Variants in GPR132 observed in about 807,000 individuals in gnomAD.
The protein encoded by GPR132 is G protein-coupled receptor 132, also known as probable G protein-coupled receptor 132.
Under a neutral mutation model 1.9 loss-of-function variants are expected in GPR132, and 4 were observed. The ratio of observed to expected loss-of-function variants is 2.13; its 90% confidence interval spans 1.05 to 4.87. GPR132 has a LOEUF of 4.87. GPR132 is among the 30% of genes most tolerant of loss of function. The pLI, the probability that GPR132 is intolerant of heterozygous loss-of-function variation, is 0.01. For missense variants in GPR132, 404 were observed against 512.5 expected (o/e 0.79, Z 2.04); for synonymous variants, 233 against 234.2 (o/e 0.99, Z 0.05).
intron 1 of GPR132, among the ~76,000 whole-genome samples, chr14:105,061,947 T>G (rs1167773440): frequency 2.0e-5 from 3 of 152,184 alleles, no homozygotes; most frequent in African/African-American, 7.2e-5. Context: ...GGGTAGGGGA[T>G]AGCCCACCAT....
At chr14:105,063,629 G>C (rs144453696) in intron 1 of GPR132, among the ~76,000 whole-genome samples, 1 of 151,872 alleles carries the variant, frequency 6.6e-6, no homozygotes, top group Non-Finnish European at 1.5e-5. Context: ...CGCCCGCCTC[G>C]GCCTCCTAAA....
Position 105,051,869 on chromosome 14 carries a change from G to C in GPR132, c.268C>G (p.Leu90Val). Residue 90 changes from leucine (L) to valine (V), a missense_variant, in exon 4 of 4, where the codon CTG becomes GTG. By Grantham distance (32) the Leu-to-Val change is conservative. Transcript: ENST00000329797. This position sits in a 1 kb window ranked among gnomAD's most constrained non-coding sequence, Gnocchi z 8.0. ...CAGAGTGGCAGCGTGCCTGTGTACAGCAGCTCGCAGAGTGCCAGGCAGAGC... is the reference window on the plus strand; with the variant it reads ...CAGAGTGGCAGCGTGCCTGTGTACACCAGCTCGCAGAGTGCCAGGCAGAGC... ...YLLCLALCELLYTGTLPLWVI... is the reference protein window; with the variant it reads ...YLLCLALCELVYTGTLPLWVI... The C allele has an allele frequency of 6.2e-7, 1 of 1,613,850 alleles. No individual in the cohort carries two copies. Among genetic ancestry groups the C allele is most frequent in the Non-Finnish European group, 8.5e-7 (1 of 1,179,980 alleles).
chr14:105,062,496 G>T lies in GPR132; in HGVS notation c.-861+2883C>A, dbSNP rs1449158235. On this transcript the variant is annotated intron_variant, in intron 1 of 3. Transcript: ENST00000329797. ...TGTTTTCTCTTTCTTTTTTTCTTTT[G>T]CCTTTTTTGCCTTTTCTTTCTTTTC... Among the ~76,000 whole-genome samples the T allele has an allele frequency of 4.7e-5, 7 of 148,264 alleles. No individual in the cohort carries two copies. In the South Asian group the frequency reaches 1.1e-3, roughly 23 times the overall value.
rs995830980 is a variant in GPR132, at chr14:105,055,082, C to T, written c.34+305G>A. Among the ~76,000 whole-genome samples, 1 of 148,964 alleles carries T rather than the reference C, an allele frequency of 6.7e-6. No homozygotes were observed. Among genetic ancestry groups the T allele is most frequent in the Non-Finnish European group, 1.5e-5 (1 of 67,496 alleles). On this transcript the variant is annotated intron_variant, in intron 3 of 3. Coordinates refer to ENST00000329797, the MANE Select transcript of GPR132 (RefSeq NM_013345.4). The surrounding 1 kb of genome is among the most constrained non-coding windows in gnomAD (Gnocchi z 4.7). ...GGGCCGTTCATTCCTTCAATCCCAA[C>T]GCTTTGGAAGGACAAGGCAGGTGGA...
intron 1 of GPR132, among the ~76,000 whole-genome samples, chr14:105,062,992 T>A (rs1309276283): frequency 2.0e-5 from 3 of 152,080 alleles, no homozygotes; most frequent in Admixed American, 6.6e-5. Context: ...AGTGGCAAAA[T>A]CTCTGCTCAC....
At chr14:105,054,919 A>C (rs368548448) in intron 3 of GPR132, among the ~76,000 whole-genome samples, 9 of 150,002 alleles carry the variant, frequency 6.0e-5, no homozygotes, top group African/African-American at 9.8e-5. Flanking sequence ...AGGTGCCTGC[A>C]GTCCCAGCTA....
chr14:105,061,092 A>G (rs905279004), intron 1 of GPR132, among the ~76,000 whole-genome samples: 1 of 152,240 alleles, frequency 6.6e-6, no homozygotes, highest in African/African-American at 2.4e-5. Context: ...ATGCCTGGAA[A>G]GAGTCAGTGG....
At position 105,056,659 on chromosome 14, in the gene GPR132, C is replaced by T. The variant is rs1456171429; in HGVS notation, c.-746-493G>A. 3.9e-5 allele frequency among the ~76,000 whole-genome samples: 6 copies of T among 152,342 alleles called. No individual in the cohort carries two copies. In the East Asian group the frequency reaches 1.2e-3, roughly 29 times the overall value. Reference sequence around the variant, plus strand: ...ACCCCCTGCTCCAGGCCTCACGCAGCCTTGGGACCTTCACCTCTGGACACC... The same window carrying T: ...ACCCCCTGCTCCAGGCCTCACGCAGTCTTGGGACCTTCACCTCTGGACACC... On this transcript the variant is annotated intron_variant, in intron 2 of 3. Coordinates refer to ENST00000329797, the MANE Select transcript of GPR132 (RefSeq NM_013345.4). The surrounding 1 kb of genome is among the most constrained non-coding windows in gnomAD (Gnocchi z 6.0).
intron 1 of GPR132, among the ~76,000 whole-genome samples, chr14:105,061,208 G>C (rs1030822572): frequency 6.6e-6 from 1 of 152,378 alleles, no homozygotes; most frequent in South Asian, 2.1e-4. Context: ...TCCTCACCAC[G>C]CATGGCCAAC....
chr14:105,053,242 C>A (rs568538359), intron 3 of GPR132, among the ~76,000 whole-genome samples: 2 of 147,816 alleles, frequency 1.4e-5, no homozygotes, highest in Admixed American at 6.8e-5. Flanking sequence ...CTCACTGCAA[C>A]CTCTGCCTCC....
intron 1 of GPR132, among the ~76,000 whole-genome samples, chr14:105,062,831 C>T (rs1422271112): frequency 1.1e-4 from 16 of 151,902 alleles, no homozygotes; most frequent in African/African-American, 3.6e-4. Flanking sequence ...TGAGCCACTA[C>T]GCCCAGCTTT....
intron 3 of GPR132, among the ~76,000 whole-genome samples, chr14:105,052,997 A>C (rs1344554039): frequency 6.6e-6 from 1 of 151,828 alleles, no homozygotes. Context: ...TTTGAAAAGA[A>C]TGTTGATCCT....
rs1318990731 is a variant in GPR132, at chr14:105,055,056, T to C, written c.34+331A>G. Among the ~76,000 whole-genome samples the C allele has an allele frequency of 7.1e-6, 1 of 139,902 alleles. No individual in the cohort carries two copies. Among genetic ancestry groups the C allele is most frequent in the African/African-American group, 2.7e-5 (1 of 37,176 alleles). 91.8% of individuals were successfully genotyped at this position (139,902 alleles called of 152,430 possible). Reference sequence around the variant, plus strand: ...AAAAAAAAAAAAAAATTCGGCCCCATGGGCCGTTCATTCCTTCAATCCCAA... The same window carrying C: ...AAAAAAAAAAAAAAATTCGGCCCCACGGGCCGTTCATTCCTTCAATCCCAA... On this transcript the variant is annotated intron_variant, in intron 3 of 3. Coordinates refer to ENST00000329797, the MANE Select transcript of GPR132 (RefSeq NM_013345.4). This position sits in a 1 kb window ranked among gnomAD's most constrained non-coding sequence, Gnocchi z 4.7.
At chr14:105,061,308 C>T (rs1172270204) in intron 1 of GPR132, among the ~76,000 whole-genome samples, 8 of 152,232 alleles carry the variant, frequency 5.3e-5, no homozygotes, top group African/African-American at 9.6e-5. Context: ...CGGACAGGCC[C>T]ACAGCCTCAG....
chr14:105,061,782 T>C (rs1886950941), intron 1 of GPR132, among the ~76,000 whole-genome samples: 1 of 151,998 alleles, frequency 6.6e-6, no homozygotes, highest in Non-Finnish European at 1.5e-5. Context: ...ATGGGGACCG[T>C]CCCTTCCTCT....
intron 1 of GPR132, among the ~76,000 whole-genome samples, chr14:105,062,832 G>A (rs917208843): frequency 2.6e-5 from 4 of 151,442 alleles, no homozygotes; most frequent in Non-Finnish European, 5.9e-5. Flanking sequence ...GAGCCACTAC[G>A]CCCAGCTTTT....
rs988861926 is a variant in GPR132, at chr14:105,059,267, G to A, written c.-860-1987C>T. Reference sequence around the variant, plus strand: ...CTTGCTCTTCCCGCCCATCCCACGTGGCTCTTGCAGGAATTCTCTGGAAGC... The same window carrying A: ...CTTGCTCTTCCCGCCCATCCCACGTAGCTCTTGCAGGAATTCTCTGGAAGC... On this transcript the variant is annotated intron_variant, in intron 1 of 3. Coordinates refer to ENST00000329797, the MANE Select transcript of GPR132 (RefSeq NM_013345.4). The surrounding 1 kb of genome is among the most constrained non-coding windows in gnomAD (Gnocchi z 4.2). Among the ~76,000 whole-genome samples, 1 of 152,190 alleles carries A rather than the reference G, an allele frequency of 6.6e-6. No homozygotes were observed. Among genetic ancestry groups the A allele is most frequent in the Non-Finnish European group, 1.5e-5 (1 of 68,008 alleles).
intron 1 of GPR132, chr14:105,057,489 G>C: frequency 3.5e-6 from 1 of 283,142 alleles, no homozygotes; most frequent in Admixed American, 5.2e-5. Context: ...CGTCACATTA[G>C]CCACTGCGAC....
rs1886772275 is a variant in GPR132 at position 105,055,674 on chromosome 14, G to A, written c.-254C>T. ...CAGTGTCCTCAAGCTCCCTCCTGTT[G>A]CAGCGTGTGCCAGGATTTCCCTTCC... On this transcript the variant is annotated 5_prime_UTR_variant, in exon 3 of 4. Coordinates refer to ENST00000329797, the MANE Select transcript of GPR132 (RefSeq NM_013345.4). The surrounding 1 kb of genome is among the most constrained non-coding windows in gnomAD (Gnocchi z 4.7). The A allele has an allele frequency of 2.9e-5, 15 of 522,586 alleles. No homozygotes were observed. The South Asian group carries it at 4.4e-4, about 15-fold the overall frequency. The allele number at this position is 522,586 out of a possible 1,614,324, so 32.4% of individuals were successfully genotyped here.
Sources: allele counts gnomAD v4.1 joint callset (sites outside exome capture counted in the v4.1 genomes callset), GRCh38; gene constraint gnomAD v4.1.1; non-coding constraint Gnocchi (gnomAD v3.1); transcripts MANE v1.5; gene names NCBI Gene and HGNC (gene_info 2026-07-23, HGNC 2026-07-21).